Variants in VPS52 observed in about 807,000 individuals in gnomAD.
The protein encoded by VPS52 is VPS52 subunit of GARP complex.
VPS52 carries 56 observed loss-of-function variants against 98.7 expected under a neutral mutation model. The ratio of observed to expected loss-of-function variants is 0.57; its 90% CI spans 0.46 to 0.71. The LOEUF is 0.71. Among genes scored for constraint, VPS52 ranks in the 30% least tolerant of loss-of-function variants. The pLI is 0.00. For synonymous variants in VPS52, 348 were observed against 346.4 expected, an observed-to-expected ratio of 1.00 and a Z score of -0.05; for missense variants, 742 against 925.9, an observed-to-expected ratio of 0.80 and a Z score of 2.58.
chr6:33,270,948 CTCA>C (rs1404181819), intron 1 of VPS52, among the ~76,000 whole-genome samples: 1 of 84,666 alleles, frequency 1.2e-5, no homozygotes, highest in Non-Finnish European at 2.1e-5. Flanking sequence ...AAGACTCCGT[CTCA>C]AAAAAAAAAA....
chr6:33,250,804 G>A lies in VPS52; in HGVS notation c.*37C>T. 1.9e-6 allele frequency: 3 copies of A among 1,600,896 alleles called. No homozygotes were observed. The highest frequency in any genetic ancestry group is 2.6e-6 in the Non-Finnish European group (3 of 1,171,338). ...ATGGAATGGGGTGCAGAAGTCCATGGAGATGACCGGCAGATCTCAGGGCGG... is the reference window on the plus strand; with the variant it reads ...ATGGAATGGGGTGCAGAAGTCCATGAAGATGACCGGCAGATCTCAGGGCGG... On this transcript the variant is annotated 3_prime_UTR_variant, in exon 20 of 20. Transcript: ENST00000445902.
chr6:33,269,595 T>C (rs372279281), intron 4 of VPS52, 38 bp from the exon 5 acceptor site: 27 of 1,596,748 alleles, frequency 1.7e-5, no homozygotes, highest in Non-Finnish European at 2.2e-5. Context: ...ATGGTGAAGA[T>C]GGGAGATCCT....
intron 11 of VPS52, 133 bp from the exon 12 acceptor site, chr6:33,266,845 G>C: frequency 1.6e-6 from 2 of 1,228,756 alleles, no homozygotes; most frequent in South Asian, 3.5e-5. Context: ...TCTAGGTCCG[G>C]GCTGTCTAAG....
chr6:33,267,001 C>T lies in VPS52; in HGVS notation c.1125+187G>A, dbSNP rs1336109092. Among the ~76,000 whole-genome samples the T allele has an allele frequency of 6.6e-6, 1 of 152,136 alleles. No homozygotes were observed. The highest frequency in any genetic ancestry group is 2.4e-5 in the African/African-American group (1 of 41,412). On this transcript the variant is annotated intron_variant, in intron 11 of 19. Coordinates refer to ENST00000445902, the MANE Select transcript of VPS52 (RefSeq NM_022553.6). This position sits in a 1 kb window ranked among gnomAD's most constrained non-coding sequence, Gnocchi z 4.2. ...CATCCAGTCTCTCCCCTCTGCATGCCCTTAAGTCAATGGTTCCCAGCTCTT... is the reference window on the plus strand; with the variant it reads ...CATCCAGTCTCTCCCCTCTGCATGCTCTTAAGTCAATGGTTCCCAGCTCTT...
chr6:33,262,883 A>T (rs1458241353), intron 17 of VPS52, among the ~76,000 whole-genome samples: 2 of 152,314 alleles, frequency 1.3e-5, no homozygotes, highest in East Asian at 3.9e-4. Context: ...AGAGGCTGGG[A>T]AGGCTAGTGG....
chr6:33,267,462 G>T lies in VPS52; in HGVS notation c.992-141C>A. Reference sequence around the variant, plus strand: ...TAGGGCCCCACGTGCTGACATCTGTGAATGGGCTTCAGGGTGTCTCTCCCT... The same window carrying T: ...TAGGGCCCCACGTGCTGACATCTGTTAATGGGCTTCAGGGTGTCTCTCCCT... On this transcript the variant is annotated intron_variant, in intron 10 of 19. Transcript: ENST00000445902. This position sits in a 1 kb window ranked among gnomAD's most constrained non-coding sequence, Gnocchi z 4.2. The T allele has an allele frequency of 7.4e-7, 1 of 1,360,520 alleles. No homozygotes were observed. Among genetic ancestry groups the T allele is most frequent in the Non-Finnish European group, 1.0e-6 (1 of 1,001,730 alleles). 84.3% of individuals were successfully genotyped at this position (1,360,520 alleles called of 1,614,324 possible).
chr6:33,263,384 TACAC>T (rs878982754), intron 17 of VPS52, 96 bp downstream of exon 17: 611 of 570,970 alleles, frequency 1.1e-3, no homozygotes, highest in Non-Finnish European at 1.2e-3. Flanking sequence ...TGCCACTCCC[TACAC>T]ACACACACAC....
rs1371712843 is a variant in VPS52 at position 33,268,357 on chromosome 6, A to T, written c.699+142T>A. On this transcript the variant is annotated intron_variant, in intron 7 of 19. Coordinates refer to ENST00000445902, the MANE Select transcript of VPS52 (RefSeq NM_022553.6). The surrounding 1 kb of genome is among the most constrained non-coding windows in gnomAD (Gnocchi z 4.0). ...TCAAGATTTTCAGGGAAACCCAGAGAGACAAGAATGGGGCTGCCCAGAAAA... is the reference window on the plus strand; with the variant it reads ...TCAAGATTTTCAGGGAAACCCAGAGTGACAAGAATGGGGCTGCCCAGAAAA... The T allele has an allele frequency of 7.4e-7, 1 of 1,343,910 alleles. No individual in the cohort carries two copies. Among genetic ancestry groups the T allele is most frequent in the Non-Finnish European group, 1.0e-6 (1 of 969,486 alleles). 83.2% of individuals were successfully genotyped at this position (1,343,910 alleles called of 1,614,324 possible).
intron 17 of VPS52, among the ~76,000 whole-genome samples, chr6:33,253,492 C>CAA (rs9280381): frequency 1.3e-3 from 104 of 80,372 alleles, no homozygotes; most frequent in African/African-American, 1.6e-3. Flanking sequence ...AACTGTGTCT[C>CAA]AAAAAAAAAA....
Position 33,250,713 on chromosome 6 carries a change from T to G in VPS52, c.*128A>C. 1 of 1,279,676 alleles carries G rather than the reference T, an allele frequency of 7.8e-7. No homozygotes were observed. Among genetic ancestry groups the G allele is most frequent in the Non-Finnish European group, 1.1e-6 (1 of 925,956 alleles). The allele number at this position is 1,279,676 out of a possible 1,614,324, so 79.3% of individuals were successfully genotyped here. ...GCAAGGTGCTGGGAGTGAAGGCAGG[T>G]AAGCCATGTCAAGGGCCTGGGAAGC... On this transcript the variant is annotated 3_prime_UTR_variant, in exon 20 of 20. Transcript: ENST00000445902.
Position 33,267,655 on chromosome 6 carries a change from C to T in VPS52, c.991+27G>A. 2 of 1,612,692 alleles carry T rather than the reference C, an allele frequency of 1.2e-6. No individual in the cohort carries two copies. Among genetic ancestry groups the T allele is most frequent in the Non-Finnish European group, 8.5e-7 (1 of 1,179,780 alleles). On this transcript the variant is annotated intron_variant, in intron 10 of 19. Transcript: ENST00000445902. The surrounding 1 kb of genome is among the most constrained non-coding windows in gnomAD (Gnocchi z 4.2). The stretch of plus-strand genomic sequence containing the variant: ...AAGTCCTCCCACTCTCAAGGCCTGG[C>T]ATGAGGGTTCCCCAGTACTAGGATA...
chr6:33,251,487 ATC>A, intron 19 of VPS52, 29 bp downstream of exon 19: 2 of 1,368,714 alleles, frequency 1.5e-6, no homozygotes, highest in Non-Finnish European at 2.1e-6. Flanking sequence ...ATGATGGGGG[ATC>A]TGAGTGGGGC....
intron 19 of VPS52, 128 bp from the exon 20 acceptor site, chr6:33,251,115 G>C: frequency 7.5e-7 from 1 of 1,325,116 alleles, no homozygotes; most frequent in Non-Finnish European, 1.0e-6. Flanking sequence ...AGGCCATGGC[G>C]GGCAGATCAC....
At chr6:33,255,693 G>A (rs1338207861) in intron 17 of VPS52, among the ~76,000 whole-genome samples, 2 of 151,340 alleles carry the variant, frequency 1.3e-5, no homozygotes, top group Non-Finnish European at 2.9e-5. Flanking sequence ...TCGGGAGGCT[G>A]AGGCAGGAAG....
Position 33,250,564 on chromosome 6 carries a change from A to G in VPS52, c.*277T>C. The G allele has an allele frequency of 2.2e-6, 1 of 448,438 alleles. No individual in the cohort carries two copies. Among genetic ancestry groups the G allele is most frequent in the East Asian group, 3.9e-5 (1 of 25,532 alleles). 27.8% of individuals were successfully genotyped at this position (448,438 alleles called of 1,614,324 possible). On this transcript the variant is annotated 3_prime_UTR_variant, in exon 20 of 20. Transcript: ENST00000445902. ...AAGCCTTGGGTGTATGGGAGCAGGA[A>G]AGGAGGGTGACAGACTGGAGAAATG... is the stretch of plus-strand genomic sequence containing the variant.
chr6:33,267,875 A>C lies in VPS52; in HGVS notation c.923T>G (p.Met308Arg). The C allele has an allele frequency of 6.2e-7, 1 of 1,613,078 alleles. No individual in the cohort carries two copies. The highest frequency in any genetic ancestry group is 8.5e-7 in the Non-Finnish European group (1 of 1,180,032). Reference sequence around the variant, plus strand: ...CCCTCCTGACCTTACCTGCACCTTCATGAGCCGCCCCAGGTAAGAGCGGTA... The same window carrying C: ...CCCTCCTGACCTTACCTGCACCTTCCTGAGCCGCCCCAGGTAAGAGCGGTA... ...SYYRSYLGRL[M>R]KVQYEEVAEK... Residue 308 changes from methionine to arginine, a missense_variant, in exon 9 of 20, where the codon ATG (methionine) becomes AGG (arginine). Around this residue, in one of 2 missense-constraint regions of VPS52, gnomAD observed 590 missense variants for 793.3 expected, o/e 0.74. Coordinates refer to ENST00000445902, the MANE Select transcript of VPS52 (RefSeq NM_022553.6). The surrounding 1 kb of genome is among the most constrained non-coding windows in gnomAD (Gnocchi z 4.2).
intron 1 of VPS52, chr6:33,271,283 G>A (rs1765029142): frequency 1.6e-6 from 1 of 622,878 alleles, no homozygotes; most frequent in Admixed American, 2.5e-5. Context: ...GCGTGTAAGT[G>A]GCAGAGATAG....
At position 33,263,999 on chromosome 6, in the gene VPS52, G is replaced by C; in HGVS notation, c.1620+9C>G. The C allele has an allele frequency of 6.2e-7, 1 of 1,614,152 alleles. No individual in the cohort carries two copies. The highest frequency in any genetic ancestry group is 8.5e-7 in the Non-Finnish European group (1 of 1,179,996). On this transcript the variant is annotated intron_variant, in intron 15 of 19. Coordinates refer to ENST00000445902, the MANE Select transcript of VPS52 (RefSeq NM_022553.6). ...TGCTGCTGGGAAGTGTCTCCTGTCCGACCCTCACCTGCAGCTGTCCCAGCA... is the reference window on the plus strand; with the variant it reads ...TGCTGCTGGGAAGTGTCTCCTGTCCCACCCTCACCTGCAGCTGTCCCAGCA...
At chr6:33,252,827 G>A (rs750819750) in intron 17 of VPS52, among the ~76,000 whole-genome samples, 51 of 152,156 alleles carry the variant, frequency 3.4e-4, no homozygotes, top group Admixed American at 5.9e-4. Flanking sequence ...TCTAATTAAT[G>A]TATCTAGGCA....
Sources: gnomAD v4.1 joint callset for allele counts (sites outside exome capture counted in the v4.1 genomes callset) on GRCh38, gnomAD v4.1.1 for gene constraint, gnomAD v4.1.1 regional missense constraint, Gnocchi (gnomAD v3.1) non-coding constraint, MANE v1.5 for transcripts, NCBI Gene and HGNC (gene_info 2026-07-23, HGNC 2026-07-21) for gene names.